Variants in COMMD1 observed in about 807,000 individuals in gnomAD.
COMMD1 encodes copper metabolism domain containing 1, also known as COMM domain-containing protein 1.
COMMD1 carries 10 observed loss-of-function variants against 17.2 expected under a neutral mutation model. The ratio of observed to expected loss-of-function variants is 0.58; its 90% confidence interval spans 0.36 to 0.99. The LOEUF (loss-of-function observed/expected upper bound fraction) is 0.99. Among genes scored for constraint, COMMD1 ranks in the 50% least tolerant of loss-of-function variants. The pLI is 0.01. For synonymous variants in COMMD1, 97 were observed against 91.6 expected, an observed-to-expected ratio of 1.06 and a Z score of -0.34; for missense variants, 270 against 231.8, an observed-to-expected ratio of 1.17 and a Z score of -1.07.
chr2:61,904,238 C>T (rs1274419337), upstream of COMMD1, among the ~76,000 whole-genome samples: 1 of 151,984 alleles, frequency 6.6e-6, no homozygotes, highest in Non-Finnish European at 1.5e-5. Context: ...GTCTTGATCT[C>T]CTGACCTCGT....
At chr2:62,023,008 C>T (rs1212261640) in intron 2 of COMMD1, among the ~76,000 whole-genome samples, 2 of 152,192 alleles carry the variant, frequency 1.3e-5, no homozygotes, top group Admixed American at 1.3e-4. Context: ...GGGCAGATCA[C>T]CTGAGGTCAG....
chr2:62,112,605 C>T (rs768945131), intron 2 of COMMD1, among the ~76,000 whole-genome samples: 1 of 152,198 alleles, frequency 6.6e-6, no homozygotes, highest in Non-Finnish European at 1.5e-5. Context: ...CTGTTTCATA[C>T]CTGACACAAT....
intron 2 of COMMD1, among the ~76,000 whole-genome samples, chr2:62,105,125 CAAA>C (rs545189413): frequency 1.2e-5 from 1 of 82,274 alleles, no homozygotes. Context: ...AACTCTGTCT[CAAA>C]AAAAAAAAAA....
chr2:62,112,444 C>T (rs1672480235), intron 2 of COMMD1, among the ~76,000 whole-genome samples: 1 of 152,226 alleles, frequency 6.6e-6, no homozygotes, highest in Admixed American at 6.5e-5. Flanking sequence ...GAGTCTTTCA[C>T]ATGACTGTTT....
At chr2:61,949,547 C>T (rs1670996850) in intron 1 of COMMD1, among the ~76,000 whole-genome samples, 2 of 152,168 alleles carry the variant, frequency 1.3e-5, no homozygotes. Context: ...GATGGAGCCT[C>T]TGTTCCAAAG....
At chr2:61,919,342 G>T (rs1670127417) in intron 1 of COMMD1, among the ~76,000 whole-genome samples, 1 of 151,944 alleles carries the variant, frequency 6.6e-6, no homozygotes, top group Admixed American at 6.6e-5. Context: ...TTGAGGCAGC[G>T]TCTTGTTCAG....
At chr2:62,009,674 CA>C (rs893248465) in intron 2 of COMMD1, among the ~76,000 whole-genome samples, 26 of 150,600 alleles carry the variant, frequency 1.7e-4, no homozygotes, top group African/African-American at 6.3e-4. Flanking sequence ...TGCTTTCACA[CA>C]CTTGTTAAAA....
At chr2:62,051,468 AATCTGAAAGGTCAGTGACTG>A (rs1381721664) in intron 2 of COMMD1, among the ~76,000 whole-genome samples, 3 of 152,214 alleles carry the variant, frequency 2.0e-5, no homozygotes, top group Non-Finnish European at 2.9e-5. Flanking sequence ...CTTAATTGTC[AATCTGAAAGGTCAGTGACTG>A]ATGACAAACT....
intron 2 of COMMD1, among the ~76,000 whole-genome samples, chr2:62,006,032 C>T (rs547969765): frequency 5.3e-4 from 80 of 151,472 alleles, no homozygotes; most frequent in African/African-American, 1.8e-3. Flanking sequence ...ATGATGAGTT[C>T]ATGTCCTTTG....
intron 2 of COMMD1, among the ~76,000 whole-genome samples, chr2:62,101,619 C>CTA (rs66732767): frequency 7.1e-4 from 107 of 150,740 alleles, no homozygotes; most frequent in African/African-American, 1.4e-3. Context: ...CTCTCTCTCT[C>CTA]TATATATATA....
chr2:62,014,205 T>C lies in COMMD1; in HGVS notation c.462+13223T>C, dbSNP rs142449486. Among the ~76,000 whole-genome samples, 733 of 152,310 alleles carry C rather than the reference T, an allele frequency of 4.8e-3. 7 individuals carry two copies. Among genetic ancestry groups the C allele is most frequent in the African/African-American group, 0.017 (699 of 41,564 alleles). On this transcript the variant is annotated intron_variant, in intron 2 of 2. Coordinates refer to ENST00000311832, the MANE Select transcript of COMMD1 (RefSeq NM_152516.4). ...ACGCAGCCCCTGGTGTTGGACTTCG[T>C]TCAGCTGTTCAGGCTGTCTGTTTCT...
At chr2:62,091,129 G>A (rs1240139056) in intron 2 of COMMD1, among the ~76,000 whole-genome samples, 3 of 152,168 alleles carry the variant, frequency 2.0e-5, no homozygotes, top group Admixed American at 1.3e-4. Context: ...AGCCCGTGTT[G>A]GGTAAGAGTA....
chr2:61,987,983 T>C (rs972347285), intron 1 of COMMD1, among the ~76,000 whole-genome samples: 1 of 152,166 alleles, frequency 6.6e-6, no homozygotes, highest in Non-Finnish European at 1.5e-5. Context: ...GTATTGCCAA[T>C]GTTCACTTAA....
chr2:62,125,032 G>C (rs1672851549), intron 2 of COMMD1, among the ~76,000 whole-genome samples: 1 of 152,160 alleles, frequency 6.6e-6, no homozygotes, highest in African/African-American at 2.4e-5. Flanking sequence ...TAATTTTTAA[G>C]CATTCTAACA....
chr2:61,942,540 C>CTT lies in COMMD1; in HGVS notation c.180+36703_180+36704dup, dbSNP rs759905506. 1.2e-3 allele frequency among the ~76,000 whole-genome samples: 135 copies of CTT among 112,268 alleles called. 1 individual carries two copies. Among genetic ancestry groups the CTT allele is most frequent in the African/African-American group, 3.2e-3 (93 of 29,140 alleles). The allele number at this position is 112,268 out of a possible 152,430, so 73.7% of individuals were successfully genotyped here. ...ACAGGGGTGAGCCACTGTGCCTGGC[C>CTT]TTTTTTTTTTTTTTTTTTTTTTGAT... On this transcript the variant is annotated intron_variant, in intron 1 of 2. Transcript: ENST00000311832.
chr2:62,049,472 G>A (rs754015934), intron 2 of COMMD1, among the ~76,000 whole-genome samples: 16 of 152,076 alleles, frequency 1.1e-4, no homozygotes, highest in Non-Finnish European at 2.4e-4. Context: ...GTTTCACCTC[G>A]GGGCATGCTA....
intron 1 of COMMD1, among the ~76,000 whole-genome samples, chr2:61,973,700 TG>T (rs1671711987): frequency 6.6e-6 from 1 of 152,180 alleles, no homozygotes; most frequent in Non-Finnish European, 1.5e-5. Flanking sequence ...AGTAGTATTT[TG>T]CTTTTCAAAA....
At chr2:62,009,846 A>G (rs573385744) in intron 2 of COMMD1, among the ~76,000 whole-genome samples, 1 of 152,298 alleles carries the variant, frequency 6.6e-6, no homozygotes, top group South Asian at 2.1e-4. Context: ...TACTAGTTAT[A>G]ATGAATAGTG....
chr2:62,024,805 G>C (rs1345968660), intron 2 of COMMD1, among the ~76,000 whole-genome samples: 1 of 151,868 alleles, frequency 6.6e-6, no homozygotes, highest in Middle Eastern at 3.2e-3. Context: ...TCTCCACTCA[G>C]GTTTAAAAAT....
Sources: gnomAD v4.1 joint callset for allele counts (sites outside exome capture counted in the v4.1 genomes callset) on GRCh38, gnomAD v4.1.1 for gene constraint, MANE v1.5 for transcripts, NCBI Gene and HGNC (gene_info 2026-07-23, HGNC 2026-07-21) for gene names.